Variants in ADAMTSL1 observed in about 807,000 individuals in gnomAD.
ADAMTSL1 encodes the protein ADAMTS-like protein 1.
A neutral mutation model predicts 201.8 loss-of-function variants in ADAMTSL1; 126 were observed. The ratio of observed to expected loss-of-function variants is 0.62; its 90% CI spans 0.54 to 0.72. The LOEUF (loss-of-function observed/expected upper bound fraction) is 0.72. Ranked by LOEUF, ADAMTSL1 falls within the 30% of genes least tolerant of loss-of-function variation. The pLI, the probability that ADAMTSL1 is intolerant of heterozygous loss-of-function variation, is 0.00. For missense variants in ADAMTSL1, 2,679 were observed against 2,277.8 expected, an observed-to-expected ratio of 1.18 and a Z score of -3.59; for synonymous variants, 1,121 against 903.4, an observed-to-expected ratio of 1.24 and a Z score of -4.32.
At chr9:18,716,140 G>T (rs2133387571) in intron 14 of ADAMTSL1, among the ~76,000 whole-genome samples, 1 of 151,722 alleles carries the variant, frequency 6.6e-6, no homozygotes, top group South Asian at 2.1e-4. Flanking sequence ...AACCCTAGAG[G>T]AAAACCTAGG....
chr9:18,264,635 C>T (rs1052195778), intron 2 of ADAMTSL1, among the ~76,000 whole-genome samples: 1 of 152,190 alleles, frequency 6.6e-6, no homozygotes, highest in Non-Finnish European at 1.5e-5. Flanking sequence ...GAAAGTTTAA[C>T]TTCTGGATGC....
chr9:18,354,687 G>A (rs1836128737), intron 2 of ADAMTSL1, among the ~76,000 whole-genome samples: 1 of 152,156 alleles, frequency 6.6e-6, no homozygotes, highest in Non-Finnish European at 1.5e-5. Flanking sequence ...AAATATCTGG[G>A]TCAGGCGTGG....
Position 18,751,252 on chromosome 9 carries a change from C to A in ADAMTSL1, c.2007-2046C>A, listed in dbSNP as rs1355534079. On this transcript the variant is annotated intron_variant, in intron 15 of 28. Transcript: ENST00000380548. ...CACAAGGATCTAAAAGAAATAAATT[C>A]AAGCCAGCTTCTCTTCTTCTATTCA... Among the ~76,000 whole-genome samples, 4 of 152,148 alleles carry A rather than the reference C, an allele frequency of 2.6e-5. 1 individual carries two copies. The highest frequency in any genetic ancestry group is 2.0e-4 in the Admixed American group (3 of 15,280).
At chr9:18,692,028 G>A (rs561869621) in intron 13 of ADAMTSL1, among the ~76,000 whole-genome samples, 3 of 152,220 alleles carry the variant, frequency 2.0e-5, no homozygotes, top group African/African-American at 7.2e-5. Context: ...AATGGCATTT[G>A]AGAGAGAACA....
At chr9:18,546,498 C>T (rs548109047) in intron 3 of ADAMTSL1, among the ~76,000 whole-genome samples, 11 of 152,108 alleles carry the variant, frequency 7.2e-5, no homozygotes, top group South Asian at 6.2e-4. Context: ...CTTTAACACC[C>T]GTATCCAACA....
At chr9:18,119,509 G>A (rs1317467218) in intron 1 of ADAMTSL1, among the ~76,000 whole-genome samples, 1 of 151,956 alleles carries the variant, frequency 6.6e-6, no homozygotes, top group East Asian at 1.9e-4. Context: ...CTACATGTTG[G>A]CCAGACTGGT....
chr9:18,588,890 T>C (rs1481205408), intron 4 of ADAMTSL1, among the ~76,000 whole-genome samples: 1 of 115,982 alleles, frequency 8.6e-6, no homozygotes, highest in Non-Finnish European at 1.9e-5. Flanking sequence ...TATACATATA[T>C]ATATATATAT....
chr9:18,289,161 CTATCTATCTAT>C (rs1353588938), intron 2 of ADAMTSL1, among the ~76,000 whole-genome samples: 2 of 123,564 alleles, frequency 1.6e-5, no homozygotes, highest in East Asian at 2.2e-4. Flanking sequence ...ATCTATCTAT[CTATCTATCTAT>C]CTACCTACCT....
intron 1 of ADAMTSL1, among the ~76,000 whole-genome samples, chr9:18,009,114 A>T (rs2131551604): frequency 6.6e-6 from 1 of 152,006 alleles, no homozygotes; most frequent in African/African-American, 2.4e-5. Context: ...ATTTCACCAG[A>T]TCCCATTATT....
At chr9:18,690,253 T>C (rs747958683) in intron 13 of ADAMTSL1, among the ~76,000 whole-genome samples, 1 of 152,202 alleles carries the variant, frequency 6.6e-6, no homozygotes, top group Non-Finnish European at 1.5e-5. Context: ...TATTTAAGCA[T>C]ATGTTTTCAT....
At chr9:18,310,968 T>G (rs185720144) in intron 2 of ADAMTSL1, among the ~76,000 whole-genome samples, 76 of 152,084 alleles carry the variant, frequency 5.0e-4, no homozygotes, top group Non-Finnish European at 7.9e-4. Flanking sequence ...TGCCCATCAG[T>G]GATAGACTGG....
At chr9:18,865,797 A>G (rs981601694) in intron 23 of ADAMTSL1, among the ~76,000 whole-genome samples, 1 of 152,164 alleles carries the variant, frequency 6.6e-6, no homozygotes, top group Non-Finnish European at 1.5e-5. Flanking sequence ...AGCCTTGCCA[A>G]GTGCTGCGTC....
At chr9:18,840,788 C>T (rs1271006761) in intron 23 of ADAMTSL1, among the ~76,000 whole-genome samples, 3 of 149,236 alleles carry the variant, frequency 2.0e-5, no homozygotes, top group Non-Finnish European at 3.0e-5. Flanking sequence ...ATTTTATTCT[C>T]TTTGAAGCAA....
intron 2 of ADAMTSL1, among the ~76,000 whole-genome samples, chr9:18,218,366 CT>C: frequency 6.6e-6 from 1 of 152,238 alleles, no homozygotes. Flanking sequence ...TGCTATTTGG[CT>C]GCTAATTCTT....
At chr9:18,419,804 A>C (rs547839040) in intron 2 of ADAMTSL1, among the ~76,000 whole-genome samples, 4 of 142,454 alleles carry the variant, frequency 2.8e-5, no homozygotes, top group Middle Eastern at 4.2e-3. Context: ...ATCTTAGTTC[A>C]CTGCAACCTC....
intron 2 of ADAMTSL1, among the ~76,000 whole-genome samples, chr9:18,355,538 G>A (rs1243755112): frequency 6.6e-6 from 1 of 152,088 alleles, no homozygotes. Context: ...TTTCTATAGT[G>A]TTAATGAAAG....
At chr9:18,392,204 G>C (rs867813679) in intron 2 of ADAMTSL1, among the ~76,000 whole-genome samples, 14 of 152,252 alleles carry the variant, frequency 9.2e-5, no homozygotes, top group Middle Eastern at 3.4e-3. Context: ...AATATGATTA[G>C]TAATAAGGGT....
intron 2 of ADAMTSL1, among the ~76,000 whole-genome samples, chr9:18,468,331 G>C (rs927513858): frequency 3.3e-5 from 5 of 152,112 alleles, no homozygotes; most frequent in Admixed American, 3.3e-4. Flanking sequence ...TTTGTGTTTT[G>C]TTTTGTTTTG....
chr9:18,578,938 A>C (rs200327575), intron 4 of ADAMTSL1, among the ~76,000 whole-genome samples: 1 of 150,938 alleles, frequency 6.6e-6, no homozygotes, highest in Non-Finnish European at 1.5e-5. Context: ...GTGTGAGATG[A>C]TATCTCATAG....
Sources: gnomAD v4.1 joint callset for allele counts (sites outside exome capture counted in the v4.1 genomes callset) on GRCh38, gnomAD v4.1.1 for gene constraint, MANE v1.5 for transcripts, NCBI Gene and HGNC (gene_info 2026-07-23, HGNC 2026-07-21) for gene names.